Variants in MYO9B observed in about 807,000 individuals in gnomAD.
The protein encoded by MYO9B is myosin IXB, also known as unconventional myosin-IXb.
Under a neutral mutation model 229.5 loss-of-function variants are expected in MYO9B, and 71 were observed. The ratio of observed to expected loss-of-function variants is 0.31; its 90% CI spans 0.26 to 0.38. MYO9B has a LOEUF of 0.38. MYO9B is among the 10% of genes least tolerant of loss of function. The pLI, the probability that MYO9B is intolerant of heterozygous loss-of-function variation, is 1.00. For missense variants in MYO9B, 2,255 were observed against 2,920.5 expected, an observed-to-expected ratio of 0.77 and a Z score of 5.25; for synonymous variants, 1,185 against 1,235.8, an observed-to-expected ratio of 0.96 and a Z score of 0.86.
In MYO9B at chr19:17,192,821, C is replaced by T. The variant is rs2073000171; in HGVS notation, c.2887C>T (p.Leu963=). 1.3e-6 allele frequency: 2 copies of T among 1,555,428 alleles called. No homozygotes were observed. Among genetic ancestry groups the T allele is most frequent in the Non-Finnish European group, 1.7e-6 (2 of 1,150,106 alleles). The change falls in exon 21 of 40, where the codon CTG becomes TTG. Residue 963 remains leucine (L), a synonymous_variant. Coordinates refer to ENST00000682292, the MANE Select transcript of MYO9B (RefSeq NM_004145.4). ...HREVVRKILL[L]QSWFRMVLER... ...GGAGGTGGTGCGGAAAATCCTGCTG[C>T]TGCAGAGCTGGTTCCGGATGGTGCT...
rs759830949 is a variant in MYO9B at position 17,101,987 on chromosome 19, A to G, written c.270A>G (p.Leu90=). The change falls in exon 2 of 40, where the codon CTA becomes CTG. Residue 90 remains leucine (L), a synonymous_variant. Coordinates refer to ENST00000682292, the MANE Select transcript of MYO9B (RefSeq NM_004145.4). This position sits in a 1 kb window ranked among gnomAD's most constrained non-coding sequence, Gnocchi z 4.7. The part of the protein sequence containing the change: ...ANDSPVHRVL[L]WPRRAQDEHP... ...ACTCGCCTGTGCACCGGGTGCTGCT[A>G]TGGCCCCGGCGGGCACAGGACGAGC... The G allele has an allele frequency of 9.3e-6, 15 of 1,613,090 alleles. No individual in the cohort carries two copies. The highest frequency in any genetic ancestry group is 1.1e-5 in the Non-Finnish European group (13 of 1,179,870).
chr19:17,146,545 G>A (rs564036497), intron 3 of MYO9B, among the ~76,000 whole-genome samples: 16 of 151,834 alleles, frequency 1.1e-4, no homozygotes, highest in Admixed American at 9.2e-4. Context: ...GTGTGTGGAT[G>A]GGTGGATGGA....
intron 9 of MYO9B, among the ~76,000 whole-genome samples, chr19:17,162,694 G>A (rs1486137762): frequency 6.6e-6 from 1 of 151,924 alleles, no homozygotes; most frequent in African/African-American, 2.4e-5. Flanking sequence ...ATTCTGGCAT[G>A]TACCTGTGGT....
intron 2 of MYO9B, among the ~76,000 whole-genome samples, chr19:17,113,692 G>A (rs561623641): frequency 2.6e-5 from 4 of 152,266 alleles, no homozygotes; most frequent in African/African-American, 9.6e-5. Flanking sequence ...TCAATCTCTG[G>A]CTGCCTCTCC....
At chr19:17,211,425 C>CCA (rs2073227630) in intron 38 of MYO9B, among the ~76,000 whole-genome samples, 1 of 152,170 alleles carries the variant, frequency 6.6e-6, no homozygotes, top group Admixed American at 6.5e-5. Flanking sequence ...GTGGTGCACA[C>CCA]CACCACGCCT....
chr19:17,086,291 C>A (rs912181611), intron 1 of MYO9B, among the ~76,000 whole-genome samples: 2 of 152,188 alleles, frequency 1.3e-5, no homozygotes, highest in Admixed American at 6.5e-5. Flanking sequence ...CACTGGGCTC[C>A]TTGTTCTCAG....
chr19:17,156,448 A>C (rs192768308), intron 6 of MYO9B, among the ~76,000 whole-genome samples: 1 of 152,306 alleles, frequency 6.6e-6, no homozygotes, highest in East Asian at 1.9e-4. Flanking sequence ...AGCCAGGTGC[A>C]GTGGCTCGTG....
intron 19 of MYO9B, 65 bp downstream of exon 19, chr19:17,188,110 AAG>A (rs2072939694): frequency 7.2e-7 from 1 of 1,389,396 alleles, no homozygotes; most frequent in South Asian, 1.2e-5. Flanking sequence ...CCCTCTTCCA[AAG>A]AGAGCTCCTT....
intron 26 of MYO9B, among the ~76,000 whole-genome samples, chr19:17,201,128 G>T (rs957922930): frequency 2.6e-5 from 4 of 152,184 alleles, no homozygotes; most frequent in Non-Finnish European, 5.9e-5. Context: ...CCCAGCTCCT[G>T]GGGGCTGAGG....
intron 1 of MYO9B, among the ~76,000 whole-genome samples, chr19:17,096,699 GT>G (rs1568658489): frequency 1.7e-5 from 1 of 60,108 alleles, no homozygotes; most frequent in African/African-American, 9.9e-5. Context: ...TGTTGTTGTT[GT>G]TGTTGGTTTT....
rs758703603 is a variant in MYO9B at position 17,172,901 on chromosome 19, G to A, written c.2078G>A (p.Arg693Gln). ...TGGGCCGTGCTCCGGGCTGCTATCC[G>A]GGCCATGGCAGTGCTTCGGGAGGCC... is the stretch of plus-strand genomic sequence containing the variant. The part of the protein sequence containing the change: ...FRWAVLRAAI[R>Q]AMAVLREAGR... The change falls in exon 13 of 40, where the codon CGG becomes CAG. Residue 693 changes from arginine (R) to glutamine (Q), a missense_variant. By Grantham distance (43) the Arg-to-Gln change is conservative. Around this residue, in one of 7 missense-constraint regions of MYO9B, gnomAD observed 155 missense variants for 159.1 expected, o/e 0.97. Transcript: ENST00000682292. The surrounding 1 kb of genome is among the most constrained non-coding windows in gnomAD (Gnocchi z 8.2). The A allele has an allele frequency of 1.6e-5, 25 of 1,602,172 alleles. No homozygotes were observed. Among genetic ancestry groups the A allele is most frequent in the East Asian group, 4.5e-5 (2 of 44,888 alleles).
At chr19:17,080,934 T>C (rs1212553589) in intron 1 of MYO9B, among the ~76,000 whole-genome samples, 2 of 151,960 alleles carry the variant, frequency 1.3e-5, no homozygotes. Context: ...GATTTCAATA[T>C]GTGAATATTT....
Position 17,134,381 on chromosome 19 carries a change from G to GT in MYO9B, c.841-10988dup, listed in dbSNP as rs869297825. ...CTTTGTTTTTTTTTTCGTTTTGTTT[G>GT]TTTTTTTTTTTTTTTTTTTTTTTTT... On this transcript the variant is annotated intron_variant, in intron 2 of 39. Transcript: ENST00000682292. Among the ~76,000 whole-genome samples the GT allele has an allele frequency of 2.8e-3, 132 of 46,478 alleles. 30 individuals carry two copies. The East Asian group carries it at 0.029, about 10-fold the overall frequency. 30.5% of individuals were successfully genotyped at this position (46,478 alleles called of 152,430 possible). A position where few individuals can be genotyped will look rare whatever the true frequency, so the allele number is the denominator to read the frequency against.
Position 17,206,025 on chromosome 19 carries a change from C to T in MYO9B, c.5130C>T (p.Ala1710=), listed in dbSNP as rs768616680. Residue 1710 remains alanine (A), a synonymous_variant, in exon 32 of 40, where the codon GCC becomes GCT. Coordinates refer to ENST00000682292, the MANE Select transcript of MYO9B (RefSeq NM_004145.4). ...TAGACAGCCTGACCAGCGACAAGGC[C>T]TCGGTGCCCATCGTGCTGGAGAAGC... ...VCVDSLTSDK[A]SVPIVLEKLL... 5 of 1,608,414 alleles carry T rather than the reference C, an allele frequency of 3.1e-6. No individual in the cohort carries two copies. Among genetic ancestry groups the T allele is most frequent in the Non-Finnish European group, 3.4e-6 (4 of 1,176,906 alleles).
chr19:17,159,523 A>C, intron 8 of MYO9B, 39 bp downstream of exon 8: 1 of 1,537,708 alleles, frequency 6.5e-7, no homozygotes, highest in Non-Finnish European at 8.9e-7. Flanking sequence ...GCCAGATCCC[A>C]AAAACCAAGT....
rs56003665 is a variant in MYO9B at position 17,196,141 on chromosome 19, TGTGGGTGG to T, written c.4046+685_4046+692del. On this transcript the variant is annotated intron_variant, in intron 22 of 39. Coordinates refer to ENST00000682292, the MANE Select transcript of MYO9B (RefSeq NM_004145.4). ...GGAGAGAGAGAGAGAGGGAAGGATG[TGTGGGTGG>T]GTGGGTGGGTGGGTGGATGGATGGA... 4.1e-3 allele frequency among the ~76,000 whole-genome samples: 303 copies of T among 74,460 alleles called. 4 individuals carry two copies. The highest frequency in any genetic ancestry group is 0.015 in the African/African-American group (280 of 18,398). 48.8% of individuals were successfully genotyped at this position (74,460 alleles called of 152,430 possible). A position where few individuals can be genotyped will look rare whatever the true frequency, so the allele number is the denominator to read the frequency against.
chr19:17,205,150 CAAA>C (rs759938283), intron 30 of MYO9B, 110 bp from the exon 31 acceptor site: 1,237 of 495,018 alleles, frequency 2.5e-3, no homozygotes, highest in Non-Finnish European at 2.9e-3. Context: ...GACTCCATCT[CAAA>C]AAAAAAAAAA....
At chr19:17,125,745 C>A (rs1205598326) in intron 2 of MYO9B, among the ~76,000 whole-genome samples, 2 of 152,152 alleles carry the variant, frequency 1.3e-5, no homozygotes, top group Non-Finnish European at 2.9e-5. Flanking sequence ...CCCTGCCGTC[C>A]GTCCATCTGA....
intron 14 of MYO9B, among the ~76,000 whole-genome samples, chr19:17,179,770 A>C (rs2072834875): frequency 1.3e-5 from 2 of 150,992 alleles, no homozygotes; most frequent in South Asian, 4.3e-4. Flanking sequence ...AGGGTGATGC[A>C]TGTCTGTAAT....
Sources: gnomAD v4.1 joint callset for allele counts (sites outside exome capture counted in the v4.1 genomes callset) on GRCh38, gnomAD v4.1.1 for gene constraint, gnomAD v4.1.1 regional missense constraint, Gnocchi (gnomAD v3.1) non-coding constraint, MANE v1.5 for transcripts, NCBI Gene and HGNC (gene_info 2026-07-23, HGNC 2026-07-21) for gene names.